C10orf105: variants seen among roughly 807,000 people sequenced by gnomAD.
C10orf105 encodes the protein uncharacterized protein C10orf105.
C10orf105 carries 2 observed loss-of-function variants against 0.6 expected under a neutral mutation model. The observed-to-expected ratio is 3.18, with a 90% CI of 1.30 to 10.01. The LOEUF is 10.01. Among genes scored for constraint, C10orf105 ranks in the 30% most tolerant of loss-of-function variants. The pLI is 0.04. For synonymous variants in C10orf105, 95 were observed against 82.4 expected (o/e 1.15, Z -0.83); for missense variants, 209 against 191.4 (o/e 1.09, Z -0.54).
At chr10:71,723,498 G>A (rs1419674499), upstream of C10orf105, among the ~76,000 whole-genome samples, 1 of 152,242 alleles carries the variant, frequency 6.6e-6, no homozygotes, top group Non-Finnish European at 1.5e-5. Flanking sequence ...AAGCTAGACT[G>A]GGGTGATGGT....
chr10:71,732,665 A>G (rs1839431429), intron 1 of C10orf105: 3 of 1,381,980 alleles, frequency 2.2e-6, no homozygotes, highest in East Asian at 2.7e-5. Flanking sequence ...CCCCGAGATC[A>G]ATATCCCTGT....
At chr10:71,731,897 C>A in intron 1 of C10orf105, 3 of 1,448,556 alleles carry the variant, frequency 2.1e-6, no homozygotes, top group Non-Finnish European at 2.8e-6. Context: ...GTGGGCCACC[C>A]AGGGGGTATG....
upstream of C10orf105, among the ~76,000 whole-genome samples, chr10:71,722,646 C>T (rs1866612082): frequency 6.6e-6 from 1 of 152,176 alleles, no homozygotes; most frequent in African/African-American, 2.4e-5. Context: ...GTAGGGAAGG[C>T]CAGGACATTG....
intron 1 of C10orf105, among the ~76,000 whole-genome samples, chr10:71,734,991 C>A (rs1424239630): frequency 1.3e-5 from 2 of 152,260 alleles, no homozygotes; most frequent in East Asian, 1.9e-4. Flanking sequence ...AGCTGCTTAA[C>A]GTCTCTGTGC....
At chr10:71,719,969 C>G (rs1866473701), upstream of C10orf105, 1 of 152,832 alleles carries the variant, frequency 6.5e-6, no homozygotes, top group Admixed American at 6.5e-5. Flanking sequence ...CCTTGGAGCC[C>G]TCTCAGGGGT....
chr10:71,731,232 A>T (rs1242827353), intron 1 of C10orf105, among the ~76,000 whole-genome samples: 1 of 152,070 alleles, frequency 6.6e-6, no homozygotes, highest in African/African-American at 2.4e-5. Context: ...GAAAAGGAGC[A>T]TTTTCTGGAG....
upstream of C10orf105, among the ~76,000 whole-genome samples, chr10:71,721,116 G>C (rs1229786490): frequency 6.6e-6 from 1 of 152,182 alleles, no homozygotes; most frequent in Non-Finnish European, 1.5e-5. Context: ...GGTGGTGCAG[G>C]CTGCTGGAGC....
At position 71,712,983 on chromosome 10, in the gene C10orf105, C is replaced by T. The variant is rs1866044179; in HGVS notation, c.*2953G>A. 2.4e-6 allele frequency: 2 copies of T among 825,576 alleles called. No homozygotes were observed. Among genetic ancestry groups the T allele is most frequent in the Non-Finnish European group, 4.1e-6 (2 of 492,248 alleles). The allele number at this position is 825,576 out of a possible 1,614,324, so 51.1% of individuals were successfully genotyped here. A position where few individuals can be genotyped will look rare whatever the true frequency, so the allele number is the denominator to read the frequency against. Reference sequence around the variant, plus strand: ...GGAAAGGGGGACCCAGGCCCTCTCCCATCCCAGGGAGTGTGGGCCCCCAGG... The same window carrying T: ...GGAAAGGGGGACCCAGGCCCTCTCCTATCCCAGGGAGTGTGGGCCCCCAGG... On this transcript the variant is annotated 3_prime_UTR_variant, in exon 2 of 2. Coordinates refer to ENST00000441508, the MANE Select transcript of C10orf105 (RefSeq NM_001164375.3).
chr10:71,721,423 G>A (rs533994085), upstream of C10orf105, among the ~76,000 whole-genome samples: 110 of 152,284 alleles, frequency 7.2e-4, 1 homozygote, highest in African/African-American at 2.6e-3. Flanking sequence ...CAGCCAAGAC[G>A]CTTTGCAAGA....
At chr10:71,719,583 A>G (rs1414038548) in intron 1 of C10orf105, 44 bp downstream of exon 1, 1 of 152,734 alleles carries the variant, frequency 6.5e-6, no homozygotes, top group East Asian at 1.9e-4. Context: ...TCTCCACCAC[A>G]CTTCCCTCTC....
chr10:71,729,742 CTT>C (rs1350330452), intron 1 of C10orf105, among the ~76,000 whole-genome samples: 1 of 152,196 alleles, frequency 6.6e-6, no homozygotes, highest in Non-Finnish European at 1.5e-5. Context: ...ATTGGGATCA[CTT>C]TGAATTTTTT....
chr10:71,732,770 A>T, intron 1 of C10orf105: 2 of 1,021,354 alleles, frequency 2.0e-6, no homozygotes, highest in East Asian at 1.3e-4. Context: ...CACCCATCAC[A>T]GATCCTTCAC....
At chr10:71,737,364 CT>C (rs1432293608) in intron 1 of C10orf105, among the ~76,000 whole-genome samples, 1 of 152,236 alleles carries the variant, frequency 6.6e-6, no homozygotes, top group Non-Finnish European at 1.5e-5. Flanking sequence ...GCTTGAATAA[CT>C]TTTTCCAAAA....
intron 1 of C10orf105, among the ~76,000 whole-genome samples, chr10:71,735,996 A>G (rs113384160): frequency 0.042 from 6,471 of 152,260 alleles, 458 homozygotes; most frequent in African/African-American, 0.15. Flanking sequence ...CATTCATACA[A>G]TGGGCCCACC....
chr10:71,722,480 C>T (rs1326076789), upstream of C10orf105, among the ~76,000 whole-genome samples: 1 of 152,210 alleles, frequency 6.6e-6, no homozygotes, highest in Non-Finnish European at 1.5e-5. Context: ...GTTCCTCTCC[C>T]TGGAGCTCTG....
chr10:71,715,683 C>G lies in C10orf105; in HGVS notation c.*253G>C. The G allele has an allele frequency of 2.8e-6, 1 of 359,968 alleles. No homozygotes were observed. The highest frequency in any genetic ancestry group is 5.0e-6 in the Non-Finnish European group (1 of 199,242). 22.3% of individuals were successfully genotyped at this position (359,968 alleles called of 1,614,324 possible). On this transcript the variant is annotated 3_prime_UTR_variant, in exon 2 of 2. Coordinates refer to ENST00000441508, the MANE Select transcript of C10orf105 (RefSeq NM_001164375.3). ...CTCAGGCCAAAGGCCCAGATGACCA[C>G]GAGTGCACATCTCTTGACCAGAAGT...
At chr10:71,734,698 C>T in intron 1 of C10orf105, 1 of 1,326,342 alleles carries the variant, frequency 7.5e-7, no homozygotes, top group Non-Finnish European at 1.0e-6. Context: ...GTGCTGTTGG[C>T]TGTGGCCAGT....
chr10:71,731,977 C>A (rs953591091), intron 1 of C10orf105: 1 of 1,611,692 alleles, frequency 6.2e-7, no homozygotes, highest in South Asian at 1.1e-5. Flanking sequence ...GCCTCTGTGT[C>A]CTCCTACAGG....
In C10orf105 at chr10:71,713,138, C is replaced by A. The variant is rs753318471; in HGVS notation, c.*2798G>T. The A allele has an allele frequency of 1.3e-6, 1 of 778,630 alleles. No homozygotes were observed. Among genetic ancestry groups the A allele is most frequent in the Non-Finnish European group, 2.4e-6 (1 of 417,470 alleles). 48.2% of individuals were successfully genotyped at this position (778,630 alleles called of 1,614,324 possible). On this transcript the variant is annotated 3_prime_UTR_variant, in exon 2 of 2. Transcript: ENST00000441508. The stretch of plus-strand genomic sequence containing the variant: ...GGGAGAAAGAGACGTCACAATTTCC[C>A]GGAAAGGAGTTGAGAAGAGAGCCAG...
Sources: allele counts gnomAD v4.1 joint callset (sites outside exome capture counted in the v4.1 genomes callset), GRCh38; gene constraint gnomAD v4.1.1; transcripts MANE v1.5; gene names NCBI Gene and HGNC (gene_info 2026-07-23, HGNC 2026-07-21).